NT5DC1: variants seen among roughly 807,000 people sequenced by gnomAD.
NT5DC1 encodes the protein 5'-nucleotidase domain-containing protein 1.
In NT5DC1, 42 loss-of-function variants were observed where a neutral mutation model predicts 59.4. The observed-to-expected ratio is 0.71, with a 90% CI of 0.55 to 0.92. The LOEUF (loss-of-function observed/expected upper bound fraction) is 0.92, where lower values mean the gene tolerates loss of function less well. Among genes scored for constraint, NT5DC1 ranks in the 40% least tolerant of loss-of-function variants. NT5DC1 has a pLI of 0.00. For missense variants in NT5DC1, 501 were observed against 537.1 expected, an observed-to-expected ratio of 0.93 and a Z score of 0.66; for synonymous variants, 172 against 188.1, an observed-to-expected ratio of 0.91 and a Z score of 0.70.
chr6:116,168,044 C>CTT (rs1255486431), intron 6 of NT5DC1, among the ~76,000 whole-genome samples: 3 of 134,940 alleles, frequency 2.2e-5, no homozygotes, highest in South Asian at 4.7e-4. Flanking sequence ...TTCTCTTTGT[C>CTT]TTTGGTTTTT....
At chr6:116,109,837 A>G (rs570040637) in intron 3 of NT5DC1, among the ~76,000 whole-genome samples, 7 of 152,170 alleles carry the variant, frequency 4.6e-5, no homozygotes, top group Non-Finnish European at 8.8e-5. Flanking sequence ...AATACTCTCA[A>G]TCATTATAAT....
In NT5DC1 at chr6:116,246,747, T is replaced by A. The variant is rs1247978489; in HGVS notation, c.*2723T>A. The A allele has an allele frequency of 6.6e-6, 1 of 152,196 alleles. No homozygotes were observed. Among genetic ancestry groups the A allele is most frequent in the African/African-American group, 2.4e-5 (1 of 41,454 alleles). The allele number at this position is 152,196 out of a possible 1,614,324, so 9.4% of individuals were successfully genotyped here. Reference sequence around the variant, plus strand: ...GCAAGACTGGAATACACTTGACTGCTTTTATTAAAGCCATGAGGGCATACC... The same window carrying A: ...GCAAGACTGGAATACACTTGACTGCATTTATTAAAGCCATGAGGGCATACC... On this transcript the variant is annotated 3_prime_UTR_variant, in exon 12 of 12. Coordinates refer to ENST00000319550, the MANE Select transcript of NT5DC1 (RefSeq NM_152729.3).
chr6:116,206,961 T>A (rs1781465088), intron 6 of NT5DC1, among the ~76,000 whole-genome samples: 1 of 151,992 alleles, frequency 6.6e-6, no homozygotes, highest in Admixed American at 6.6e-5. Context: ...ATTGAGTAAT[T>A]CTAGAATTTA....
chr6:116,228,342 C>G (rs1204211262), intron 8 of NT5DC1, among the ~76,000 whole-genome samples: 1 of 152,182 alleles, frequency 6.6e-6, no homozygotes, highest in African/African-American at 2.4e-5. Flanking sequence ...AACCTCGTCT[C>G]TACTAAAAAT....
At chr6:116,241,844 A>T (rs561236344) in intron 11 of NT5DC1, among the ~76,000 whole-genome samples, 86 of 142,372 alleles carry the variant, frequency 6.0e-4, no homozygotes, top group African/African-American at 2.2e-3. Flanking sequence ...AATGGCATGA[A>T]CCCGGGGGGC....
intron 6 of NT5DC1, among the ~76,000 whole-genome samples, chr6:116,162,518 C>T (rs942715022): frequency 1.3e-5 from 2 of 152,030 alleles, no homozygotes; most frequent in Admixed American, 6.6e-5. Flanking sequence ...GTTTTTTCTG[C>T]ATATTGAGAT....
intron 6 of NT5DC1, among the ~76,000 whole-genome samples, chr6:116,214,330 A>G (rs1781647736): frequency 6.6e-6 from 1 of 152,202 alleles, no homozygotes; most frequent in Non-Finnish European, 1.5e-5. Flanking sequence ...ATTCTATTTT[A>G]CTTAAAAAGA....
chr6:116,193,775 A>G (rs1339012613), intron 6 of NT5DC1, among the ~76,000 whole-genome samples: 5 of 151,938 alleles, frequency 3.3e-5, no homozygotes, highest in African/African-American at 1.2e-4. Context: ...TTAAAAATAA[A>G]AAAAGAGGAG....
At position 116,110,841 on chromosome 6, in the gene NT5DC1, C is replaced by T. The variant is rs367736021; in HGVS notation, c.258-9C>T. ...TTAATGAGCAATGTGCCTCCTCTCT[C>T]AAAATCAGGGCAAGCCATGGCACCA... is the stretch of plus-strand genomic sequence containing the variant. On this transcript the variant is annotated splice_polypyrimidine_tract_variant and intron_variant, in intron 3 of 11. Transcript: ENST00000319550. 6.2e-7 allele frequency: 1 copy of T among 1,606,086 alleles called. No individual in the cohort carries two copies. Among genetic ancestry groups the T allele is most frequent in the African/African-American group, 1.3e-5 (1 of 74,764 alleles).
chr6:116,123,082 A>AT (rs1242037038), intron 6 of NT5DC1, among the ~76,000 whole-genome samples: 8 of 152,220 alleles, frequency 5.3e-5, no homozygotes, highest in Non-Finnish European at 8.8e-5. Flanking sequence ...AAAATAGTGG[A>AT]TTTTTTAAAA....
At chr6:116,242,215 C>CA (rs1771751707) in intron 11 of NT5DC1, among the ~76,000 whole-genome samples, 1 of 151,288 alleles carries the variant, frequency 6.6e-6, no homozygotes, top group African/African-American at 2.4e-5. Context: ...CTAAAAAATA[C>CA]AAAAAATTAG....
At chr6:116,219,683 A>C (rs1385751635) in intron 6 of NT5DC1, among the ~76,000 whole-genome samples, 1 of 151,920 alleles carries the variant, frequency 6.6e-6, no homozygotes, top group Admixed American at 6.6e-5. Context: ...CTGGCCAGGC[A>C]TGGTGGCTCA....
At position 116,120,933 on chromosome 6, in the gene NT5DC1, C is replaced by G. The variant is rs1188653510; in HGVS notation, c.529+2988C>G. ...GGGTTACCCTTAGGACCATCGAGACCTGGTTTTCCTGGGTACCCTGGTTTT... is the reference window on the plus strand; with the variant it reads ...GGGTTACCCTTAGGACCATCGAGACGTGGTTTTCCTGGGTACCCTGGTTTT... On this transcript the variant is annotated intron_variant, in intron 6 of 11. Coordinates refer to ENST00000319550, the MANE Select transcript of NT5DC1 (RefSeq NM_152729.3). 2.5e-6 allele frequency: 4 copies of G among 1,613,970 alleles called. No homozygotes were observed. Among genetic ancestry groups the G allele is most frequent in the Admixed American group, 1.7e-5 (1 of 60,032 alleles).
chr6:116,126,593 A>G (rs1030176102), intron 6 of NT5DC1, among the ~76,000 whole-genome samples: 2 of 152,172 alleles, frequency 1.3e-5, no homozygotes, highest in African/African-American at 4.8e-5. Context: ...GTCTATTAAT[A>G]TTCATAAATT....
chr6:116,204,030 A>AG (rs1781396925), intron 6 of NT5DC1, among the ~76,000 whole-genome samples: 1 of 151,792 alleles, frequency 6.6e-6, no homozygotes, highest in Non-Finnish European at 1.5e-5. Context: ...CTGAAAAAAA[A>AG]CCCTCGAAGG....
chr6:116,229,195 G>T (rs1264700013), intron 8 of NT5DC1, among the ~76,000 whole-genome samples: 4 of 152,056 alleles, frequency 2.6e-5, no homozygotes, highest in African/African-American at 4.8e-5. Flanking sequence ...AATTACTTTT[G>T]CACTAACCTA....
intron 6 of NT5DC1, among the ~76,000 whole-genome samples, chr6:116,194,046 C>T (rs1002065523): frequency 7.2e-5 from 11 of 151,760 alleles, no homozygotes; most frequent in African/African-American, 2.7e-4. Context: ...AACCCTGTCT[C>T]AACAACAACA....
At chr6:116,117,997 G>A in intron 6 of NT5DC1, 52 bp downstream of exon 6, 1 of 913,986 alleles carries the variant, frequency 1.1e-6, no homozygotes, top group Non-Finnish European at 1.8e-6. Context: ...AGCTATGTTT[G>A]TCTAGTGAAT....
chr6:116,148,992 T>C (rs1368972241), intron 6 of NT5DC1, among the ~76,000 whole-genome samples: 3 of 152,226 alleles, frequency 2.0e-5, no homozygotes, highest in Non-Finnish European at 4.4e-5. Flanking sequence ...GTGATGAGAA[T>C]TGACAATTCT....
Sources: allele counts gnomAD v4.1 joint callset (sites outside exome capture counted in the v4.1 genomes callset), GRCh38; gene constraint gnomAD v4.1.1; transcripts MANE v1.5; gene names NCBI Gene and HGNC (gene_info 2026-07-23, HGNC 2026-07-21).